The following ITGA8 variants were observed in gnomAD, a reference collection of about 807,000 sequenced individuals.
The protein encoded by ITGA8 is integrin subunit alpha 8, also known as integrin alpha-8.
Under a neutral mutation model 142.3 loss-of-function variants are expected in ITGA8, and 91 were observed. The ratio of observed to expected loss-of-function variants is 0.64; its 90% CI spans 0.54 to 0.76. The LOEUF is 0.76. Among genes scored for constraint, ITGA8 ranks in the 30% least tolerant of loss-of-function variants. The pLI, the probability that ITGA8 is intolerant of heterozygous loss-of-function variation, is 0.00. For missense variants in ITGA8, 1,406 were observed against 1,327.7 expected, an observed-to-expected ratio of 1.06 and a Z score of -0.92; for synonymous variants, 505 against 485.2, an observed-to-expected ratio of 1.04 and a Z score of -0.54.
At chr10:15,712,427 C>G (rs1199073697) in intron 2 of ITGA8, among the ~76,000 whole-genome samples, 1 of 151,908 alleles carries the variant, frequency 6.6e-6, no homozygotes, top group Non-Finnish European at 1.5e-5. Flanking sequence ...ACTGAAAATA[C>G]AAAACAAAAC....
At chr10:15,619,740 C>T (rs756319652) in intron 13 of ITGA8, among the ~76,000 whole-genome samples, 7 of 151,804 alleles carry the variant, frequency 4.6e-5, no homozygotes, top group Non-Finnish European at 1.0e-4. Context: ...AAAGAGCTAC[C>T]GATTTGAAGA....
In ITGA8 at chr10:15,679,296, C is replaced by T. The variant is rs144288467; in HGVS notation, c.569-513G>A. Among the ~76,000 whole-genome samples, 390 of 152,220 alleles carry T rather than the reference C, an allele frequency of 2.6e-3. 2 individuals are homozygous for T. The highest frequency in any genetic ancestry group is 8.9e-3 in the African/African-American group (369 of 41,536). ...AAGAGGAACTTAATTTTAAATTATCCTATTATGGCCAGTTGTGGTGGCTCA... is the reference window on the plus strand; with the variant it reads ...AAGAGGAACTTAATTTTAAATTATCTTATTATGGCCAGTTGTGGTGGCTCA... On this transcript the variant is annotated intron_variant, in intron 4 of 29. Coordinates refer to ENST00000378076, the MANE Select transcript of ITGA8 (RefSeq NM_003638.3).
At chr10:15,586,049 A>ATTTTTTTTTTTTTTTTTTTTTTT (rs59435924) in intron 23 of ITGA8, among the ~76,000 whole-genome samples, 1 of 76,810 alleles carries the variant, frequency 1.3e-5, no homozygotes, top group African/African-American at 5.3e-5. Flanking sequence ...GAATAAAGTG[A>ATTTTTTTTTTTTTTTTTTTTTTT]TTTTTTTTTT....
chr10:15,566,537 A>G (rs1175258718), intron 25 of ITGA8, among the ~76,000 whole-genome samples: 2 of 152,054 alleles, frequency 1.3e-5, no homozygotes, highest in African/African-American at 4.8e-5. Context: ...TAGGCCGGGC[A>G]TGGTGGCTCA....
At chr10:15,670,412 G>A (rs1834489845) in intron 8 of ITGA8, among the ~76,000 whole-genome samples, 2 of 152,180 alleles carry the variant, frequency 1.3e-5, no homozygotes, top group African/African-American at 2.4e-5. Flanking sequence ...CATAGCCTAA[G>A]GAATAGAGAG....
chr10:15,528,506 C>CTTTTT (rs35960573), intron 28 of ITGA8, among the ~76,000 whole-genome samples: 2 of 127,242 alleles, frequency 1.6e-5, no homozygotes, highest in Non-Finnish European at 3.2e-5. Context: ...GATAAAAAGT[C>CTTTTT]TTTTTTTTTT....
chr10:15,547,540 C>A (rs183893475), intron 27 of ITGA8, among the ~76,000 whole-genome samples: 1 of 152,320 alleles, frequency 6.6e-6, no homozygotes, highest in African/African-American at 2.4e-5. Flanking sequence ...CTACTGCACT[C>A]CAGGCTGGGT....
At chr10:15,614,950 C>T (rs1013664245) in intron 14 of ITGA8, among the ~76,000 whole-genome samples, 1 of 151,964 alleles carries the variant, frequency 6.6e-6, no homozygotes, top group Non-Finnish European at 1.5e-5. Flanking sequence ...ATGGAGGGGG[C>T]TGGGAGTTCT....
At chr10:15,672,446 C>T (rs1408348909) in intron 7 of ITGA8, among the ~76,000 whole-genome samples, 178 bp downstream of exon 7, 1 of 152,160 alleles carries the variant, frequency 6.6e-6, no homozygotes, top group African/African-American at 2.4e-5. Context: ...ATGTATTACA[C>T]ATCGCGGCTG....
chr10:15,660,970 AACACACACAC>A (rs377666787), intron 8 of ITGA8, 48 bp from the exon 9 acceptor site: 1 of 1,388,830 alleles, frequency 7.2e-7, no homozygotes. Flanking sequence ...CACACACACA[AACACACACAC>A]ACACGCCATA....
At chr10:15,700,393 A>C (rs1237050280) in intron 2 of ITGA8, among the ~76,000 whole-genome samples, 1 of 152,174 alleles carries the variant, frequency 6.6e-6, no homozygotes, top group Non-Finnish European at 1.5e-5. Context: ...GAACACACCC[A>C]GCATTTTCAG....
At position 15,607,848 on chromosome 10, in the gene ITGA8, A is replaced by G; in HGVS notation, c.1610-17T>C. On this transcript the variant is annotated splice_polypyrimidine_tract_variant and intron_variant, in intron 16 of 29. Transcript: ENST00000378076. ...CCATCAAGACTAAAGGACAGAAGTAAAGTAGAGAAAAAGTATTCAGTGAAC... is the reference window on the plus strand; with the variant it reads ...CCATCAAGACTAAAGGACAGAAGTAGAGTAGAGAAAAAGTATTCAGTGAAC... 1 of 1,608,282 alleles carries G rather than the reference A, an allele frequency of 6.2e-7. No homozygotes were observed. The highest frequency in any genetic ancestry group is 8.5e-7 in the Non-Finnish European group (1 of 1,175,626).
intron 28 of ITGA8, among the ~76,000 whole-genome samples, chr10:15,525,279 A>G (rs1424830807): frequency 6.6e-6 from 1 of 152,150 alleles, no homozygotes; most frequent in Non-Finnish European, 1.5e-5. Context: ...CTTGCCCTTG[A>G]TCAGCACTGC....
At chr10:15,607,857 A>G (rs528157209) in intron 16 of ITGA8, 26 bp from the exon 17 acceptor site, 11 of 1,599,346 alleles carry the variant, frequency 6.9e-6, no homozygotes, top group East Asian at 2.2e-5. Context: ...AAAGTAGAGA[A>G]AAAGTATTCA....
At position 15,646,992 on chromosome 10, in the gene ITGA8, G is replaced by C. The variant is rs755272749; in HGVS notation, c.1061C>G (p.Pro354Arg). 1.2e-6 allele frequency: 2 copies of C among 1,613,986 alleles called. No homozygotes were observed. Among genetic ancestry groups the C allele is most frequent in the South Asian group, 2.2e-5 (2 of 91,054 alleles). The change falls in exon 12 of 30, where the codon CCC becomes CGC. Residue 354 changes from proline (P) to arginine (R), a missense_variant. Physicochemically the swap from Pro to Arg is moderately radical, Grantham distance 103. Transcript: ENST00000378076. Reference sequence around the variant, plus strand: ...CAGGTAGATTTGCCCTACTTCTCTGGGGTTGCTCTCAAATTCACGTTCCAT... The same window carrying C: ...CAGGTAGATTTGCCCTACTTCTCTGCGGTTGCTCTCAAATTCACGTTCCAT... ...LFMEREFESN[P>R]REVGQIYLYL...
chr10:15,591,813 T>A (rs1372000941), intron 22 of ITGA8, among the ~76,000 whole-genome samples: 1 of 152,192 alleles, frequency 6.6e-6, no homozygotes, highest in Non-Finnish European at 1.5e-5. Flanking sequence ...CATTCATTCT[T>A]GAAAATTGAA....
chr10:15,537,374 T>C (rs996891293), intron 27 of ITGA8, among the ~76,000 whole-genome samples: 12 of 152,200 alleles, frequency 7.9e-5, no homozygotes, highest in Admixed American at 5.2e-4. Flanking sequence ...GGGCTAAGGA[T>C]GTGGGTGAGC....
chr10:15,542,679 C>T (rs912290931), intron 27 of ITGA8, among the ~76,000 whole-genome samples: 1 of 152,126 alleles, frequency 6.6e-6, no homozygotes, highest in Non-Finnish European at 1.5e-5. Flanking sequence ...AGTGTAGTAA[C>T]ATACATAGGG....
chr10:15,556,305 A>T (rs979247946), intron 26 of ITGA8, among the ~76,000 whole-genome samples: 1 of 152,042 alleles, frequency 6.6e-6, no homozygotes, highest in Admixed American at 6.6e-5. Flanking sequence ...CCGGGATTAT[A>T]GGCTGAGCCA....
Sources: gnomAD v4.1 joint callset for allele counts (sites outside exome capture counted in the v4.1 genomes callset) on GRCh38, gnomAD v4.1.1 for gene constraint, MANE v1.5 for transcripts, NCBI Gene and HGNC (gene_info 2026-07-23, HGNC 2026-07-21) for gene names.